Variants in NLGN4X observed in about 807,000 individuals in gnomAD.
NLGN4X encodes neuroligin-4, X-linked.
In NLGN4X, 3 loss-of-function variants were observed where a neutral mutation model predicts 40.3. The ratio of observed to expected loss-of-function variants is 0.07; its 90% CI spans 0.03 to 0.19. The LOEUF is 0.19. NLGN4X is among the 10% of genes least tolerant of loss of function. The probability of loss-of-function intolerance (pLI) is 1.00; values close to 1 mark genes in which losing one functional copy is unlikely to be tolerated. For synonymous variants in NLGN4X, 270 were observed against 306.8 expected (o/e 0.88, Z 1.25); for missense variants, 382 against 708.3 (o/e 0.54, Z 5.23).
chrX:6,211,303 T>C (rs961987176), intron 1 of NLGN4X, among the ~76,000 whole-genome samples: 1 of 111,435 alleles, frequency 9.0e-6, no homozygotes, highest in Non-Finnish European at 1.9e-5. Flanking sequence ...ATTTGAAAAT[T>C]AGAGGCGGGA....
intron 2 of NLGN4X, among the ~76,000 whole-genome samples, chrX:6,131,144 G>A (rs12558943): frequency 0.12 from 13,219 of 109,328 alleles, 819 homozygotes; most frequent in East Asian, 0.39. Context: ...ATAATATTTT[G>A]CAGCCTAACT....
rs760501554 is a variant in NLGN4X at position 5,970,251 on chromosome X, TG to T, written c.625+59028del. On this transcript the variant is annotated intron_variant, in intron 3 of 5. Coordinates refer to ENST00000381095, the MANE Select transcript of NLGN4X (RefSeq NM_181332.3). ...TAACCTAATGTAAATGACGAGTTAA[TG>T]GGTGCAGCACACCAACATGGCACAT... 6.3e-5 allele frequency among the ~76,000 whole-genome samples: 7 copies of T among 111,463 alleles called. No homozygotes were observed. In the East Asian group the frequency reaches 1.7e-3, roughly 27 times the overall value.
At chrX:6,215,151 T>C (rs958778268) in intron 1 of NLGN4X, among the ~76,000 whole-genome samples, 3 of 112,796 alleles carry the variant, frequency 2.7e-5, no homozygotes, top group African/African-American at 9.7e-5. Flanking sequence ...TTTGCCCATT[T>C]AAAATTACTT....
At chrX:5,950,194 A>G (rs936616555) in intron 3 of NLGN4X, among the ~76,000 whole-genome samples, 2 of 111,923 alleles carry the variant, frequency 1.8e-5, no homozygotes, top group African/African-American at 3.2e-5. Flanking sequence ...TGTGTTTTCC[A>G]AAATGCTAGC....
intron 1 of NLGN4X, among the ~76,000 whole-genome samples, chrX:6,224,192 T>A (rs996800957): frequency 1.2e-4 from 13 of 112,962 alleles, no homozygotes; most frequent in Non-Finnish European, 2.2e-4. Flanking sequence ...TGCAATGCAT[T>A]CGCTCAACAA....
intron 1 of NLGN4X, among the ~76,000 whole-genome samples, chrX:6,216,332 G>A (rs761274306): frequency 3.6e-5 from 4 of 112,243 alleles, no homozygotes; most frequent in South Asian, 7.4e-4. Flanking sequence ...CCAACAGGAT[G>A]CAGCTGGCTT....
chrX:5,987,100 G>C (rs62581765), intron 3 of NLGN4X, among the ~76,000 whole-genome samples: 1 of 110,360 alleles, frequency 9.1e-6, no homozygotes, highest in Non-Finnish European at 1.9e-5. Context: ...AATGGACATA[G>C]GGACTGTGGT....
Position 6,116,391 on chromosome X carries a change from C to CTT in NLGN4X, c.472+34602_472+34603dup, listed in dbSNP as rs1157468420. ...ACAAGTAGGTATTGAACCTTTCTTT[C>CTT]TTTTTTTTTTTTTTTTTTTTTTTTT... On this transcript the variant is annotated intron_variant, in intron 2 of 5. Coordinates refer to ENST00000381095, the MANE Select transcript of NLGN4X (RefSeq NM_181332.3). Among the ~76,000 whole-genome samples the CTT allele has an allele frequency of 7.8e-3, 173 of 22,283 alleles. 41 individuals are homozygous for CTT. Among genetic ancestry groups the CTT allele is most frequent in the Non-Finnish European group, 0.011 (142 of 13,403 alleles). The allele number at this position is 22,283 out of a possible 115,157, so 19.4% of individuals were successfully genotyped here.
intron 2 of NLGN4X, among the ~76,000 whole-genome samples, chrX:6,142,255 A>G (rs1175488042): frequency 8.9e-6 from 1 of 112,325 alleles, no homozygotes; most frequent in African/African-American, 3.2e-5. Flanking sequence ...CATAATTCAT[A>G]CTACTAAATA....
At chrX:5,928,201 T>C (rs1361371877) in intron 3 of NLGN4X, among the ~76,000 whole-genome samples, 1 of 112,615 alleles carries the variant, frequency 8.9e-6, no homozygotes, top group Non-Finnish European at 1.9e-5. Flanking sequence ...AGTTGTGTTA[T>C]ATAAACAAGA....
intron 2 of NLGN4X, among the ~76,000 whole-genome samples, chrX:6,061,966 T>C (rs1178415987): frequency 8.9e-6 from 1 of 111,866 alleles, no homozygotes; most frequent in Non-Finnish European, 1.9e-5. Context: ...CTCTTGATAA[T>C]TTTATTCCGC....
intron 3 of NLGN4X, among the ~76,000 whole-genome samples, chrX:5,926,199 T>C (rs1378943139): frequency 2.8e-5 from 3 of 107,246 alleles, no homozygotes; most frequent in East Asian, 3.0e-4. Flanking sequence ...GCCACCACCA[T>C]GTGAAGAAAG....
intron 2 of NLGN4X, among the ~76,000 whole-genome samples, chrX:6,052,568 G>C (rs962388820): frequency 3.2e-4 from 36 of 112,123 alleles, no homozygotes; most frequent in Admixed American, 3.0e-3. Flanking sequence ...CATTTGGGCT[G>C]CCTGTCAGCT....
At chrX:6,191,667 T>G (rs1009710107) in intron 1 of NLGN4X, among the ~76,000 whole-genome samples, 3 of 111,531 alleles carry the variant, frequency 2.7e-5, no homozygotes, top group Non-Finnish European at 5.6e-5. Flanking sequence ...AAGACCAGCC[T>G]GGCCAACATG....
At chrX:5,950,060 C>A (rs921356813) in intron 3 of NLGN4X, among the ~76,000 whole-genome samples, 2 of 111,814 alleles carry the variant, frequency 1.8e-5, no homozygotes, top group Non-Finnish European at 3.8e-5. Flanking sequence ...TACTATAATA[C>A]GGTGATCAGT....
At chrX:5,981,015 G>T (rs888930242) in intron 3 of NLGN4X, among the ~76,000 whole-genome samples, 1 of 111,193 alleles carries the variant, frequency 9.0e-6, no homozygotes, top group African/African-American at 3.3e-5. Context: ...TAACAATATT[G>T]TATCTTCTCA....
In NLGN4X at chrX:6,212,550, C is replaced by A. The variant is rs747258324; in HGVS notation, c.-306+15991G>T. 2.7e-5 allele frequency among the ~76,000 whole-genome samples: 3 copies of A among 111,664 alleles called. No homozygotes were observed. The South Asian group carries it at 1.1e-3, about 42-fold the overall frequency. ...TTCCTTCAACTTTATACCTCTTTATCAAAAGACACTAGGATGAGTGTTGGG... is the reference window on the plus strand; with the variant it reads ...TTCCTTCAACTTTATACCTCTTTATAAAAAGACACTAGGATGAGTGTTGGG... On this transcript the variant is annotated intron_variant, in intron 1 of 5. Coordinates refer to ENST00000381095, the MANE Select transcript of NLGN4X (RefSeq NM_181332.3).
At chrX:6,032,755 G>A (rs2036903734) in intron 2 of NLGN4X, 2 of 1,132,340 alleles carry the variant, frequency 1.8e-6, no homozygotes, top group African/African-American at 3.6e-5. Flanking sequence ...TGGCTCCTGG[G>A]GTCATATTGA....
chrX:6,024,997 AG>A (rs2036652232), intron 3 of NLGN4X, among the ~76,000 whole-genome samples: 1 of 111,870 alleles, frequency 8.9e-6, no homozygotes, highest in Non-Finnish European at 1.9e-5. Context: ...ACGAGAATCA[AG>A]AACCCTCTCT....
Sources: allele counts gnomAD v4.1 joint callset (sites outside exome capture counted in the v4.1 genomes callset), GRCh38; gene constraint gnomAD v4.1.1; transcripts MANE v1.5; gene names NCBI Gene and HGNC (gene_info 2026-07-23, HGNC 2026-07-21).